CUL2: variants seen among roughly 807,000 people sequenced by gnomAD.
CUL2 encodes cullin 2.
CUL2 carries 22 observed loss-of-function variants against 110.2 expected under a neutral mutation model. The observed-to-expected ratio is 0.20, with a 90% confidence interval of 0.14 to 0.28. The LOEUF is 0.28. CUL2 is among the 10% of genes least tolerant of loss of function. The pLI is 1.00. For missense variants in CUL2, 631 were observed against 905.5 expected, an observed-to-expected ratio of 0.70 and a Z score of 3.89; for synonymous variants, 279 against 293.2, an observed-to-expected ratio of 0.95 and a Z score of 0.49.
At chr10:35,125,339 C>T (rs1460742634) in intron 1 of CUL2, among the ~76,000 whole-genome samples, 1 of 152,192 alleles carries the variant, frequency 6.6e-6, no homozygotes, top group Non-Finnish European at 1.5e-5. Context: ...AGACTACATA[C>T]ATATGGGAGT....
intron 9 of CUL2, among the ~76,000 whole-genome samples, chr10:35,036,057 G>T (rs966871680): frequency 6.6e-6 from 1 of 152,118 alleles, no homozygotes; most frequent in Non-Finnish European, 1.5e-5. Flanking sequence ...GTAATCACAC[G>T]CAGGATAAGA....
At chr10:35,104,661 A>G (rs1285348441) in intron 1 of CUL2, among the ~76,000 whole-genome samples, 1 of 152,214 alleles carries the variant, frequency 6.6e-6, no homozygotes, top group Non-Finnish European at 1.5e-5. Context: ...CAAATTAATT[A>G]AATGTATAAG....
chr10:35,116,588 T>A (rs910214483), intron 1 of CUL2, among the ~76,000 whole-genome samples: 26 of 152,326 alleles, frequency 1.7e-4, no homozygotes, highest in African/African-American at 6.3e-4. Flanking sequence ...GAAATTTTCC[T>A]TATTTATGAT....
Position 35,044,655 on chromosome 10 carries a change from A to C in CUL2, c.625T>G (p.Ser209Ala). 6.2e-7 allele frequency: 1 copy of C among 1,608,504 alleles called. No individual in the cohort carries two copies. ...TCTCCTGTTTCAGTCAGAAAGGGAG[A>C]CTCAAAAATTTCCTGATAAAACTGA... ...PLKFYQEIFE[S>A]PFLTETGEYY... The change falls in exon 8 of 21, where the codon TCT (serine) becomes GCT (alanine). Residue 209 changes from serine to alanine, a missense_variant. Around this residue, in one of 3 missense-constraint regions of CUL2, gnomAD observed 338 missense variants for 442.5 expected, o/e 0.76. Coordinates refer to ENST00000374749, the MANE Select transcript of CUL2 (RefSeq NM_003591.4).
At chr10:35,108,244 C>A (rs2087487098) in intron 1 of CUL2, among the ~76,000 whole-genome samples, 1 of 151,782 alleles carries the variant, frequency 6.6e-6, no homozygotes, top group Non-Finnish European at 1.5e-5. Context: ...TGCTTGAGCC[C>A]AGGAGCTCCA....
At chr10:35,084,287 C>A (rs1178010778) in intron 1 of CUL2, among the ~76,000 whole-genome samples, 1 of 152,076 alleles carries the variant, frequency 6.6e-6, no homozygotes, top group Non-Finnish European at 1.5e-5. Flanking sequence ...AACAAGCAAA[C>A]AAGACACAGT....
At chr10:35,048,900 A>G (rs1207393795) in intron 6 of CUL2, among the ~76,000 whole-genome samples, 1 of 152,186 alleles carries the variant, frequency 6.6e-6, no homozygotes, top group African/African-American at 2.4e-5. Context: ...CACGGCTTTG[A>G]CAAAGTATTC....
intron 4 of CUL2, among the ~76,000 whole-genome samples, chr10:35,056,912 T>A (rs1431953457): frequency 6.6e-6 from 1 of 152,236 alleles, no homozygotes; most frequent in Admixed American, 6.5e-5. Context: ...TCCTAAAGTA[T>A]GCATCACTTC....
At chr10:35,116,898 A>G (rs1564759026) in intron 1 of CUL2, among the ~76,000 whole-genome samples, 1 of 151,636 alleles carries the variant, frequency 6.6e-6, no homozygotes, top group Non-Finnish European at 1.5e-5. Flanking sequence ...TAGAGGTTGC[A>G]GTGAGTCGAG....
intron 14 of CUL2, among the ~76,000 whole-genome samples, chr10:35,030,140 C>T (rs1287425717): frequency 2.6e-5 from 4 of 152,198 alleles, no homozygotes; most frequent in African/African-American, 9.7e-5. Context: ...GCACATGCCA[C>T]AGCTGCTGGC....
chr10:35,073,135 A>G (rs927700708), intron 1 of CUL2, among the ~76,000 whole-genome samples: 1 of 152,218 alleles, frequency 6.6e-6, no homozygotes, highest in Non-Finnish European at 1.5e-5. Flanking sequence ...CCAAATATCC[A>G]AAAGAGGGTA....
At chr10:35,113,636 GA>G (rs780032905) in intron 1 of CUL2, among the ~76,000 whole-genome samples, 37 of 149,922 alleles carry the variant, frequency 2.5e-4, no homozygotes, top group Non-Finnish European at 4.4e-4. Context: ...ATAATCAGGA[GA>G]AAAATAGAAA....
At chr10:35,041,684 A>C (rs2085793178) in intron 8 of CUL2, among the ~76,000 whole-genome samples, 1 of 152,080 alleles carries the variant, frequency 6.6e-6, no homozygotes, top group African/African-American at 2.4e-5. Flanking sequence ...CCAGACGACT[A>C]CACCACCATG....
intron 4 of CUL2, among the ~76,000 whole-genome samples, chr10:35,055,785 C>A (rs1361661594): frequency 6.6e-6 from 1 of 152,162 alleles, no homozygotes; most frequent in African/African-American, 2.4e-5. Flanking sequence ...TCCTCTCTAT[C>A]CTCACTGTAA....
intron 1 of CUL2, among the ~76,000 whole-genome samples, chr10:35,089,667 C>T (rs1199945307): frequency 2.6e-5 from 4 of 152,132 alleles, no homozygotes; most frequent in African/African-American, 9.7e-5. Flanking sequence ...TGCTAGAAAG[C>T]GTGTGAGGAT....
intron 1 of CUL2, among the ~76,000 whole-genome samples, chr10:35,104,740 T>TC (rs1427394577): frequency 2.0e-5 from 3 of 151,726 alleles, no homozygotes; most frequent in African/African-American, 7.3e-5. Context: ...CAAAGACTTT[T>TC]CTGGGGGGGG....
upstream of CUL2, among the ~76,000 whole-genome samples, chr10:35,093,877 C>T (rs1487409766): frequency 6.6e-6 from 1 of 151,848 alleles, no homozygotes; most frequent in East Asian, 1.9e-4. Flanking sequence ...AAAAGCAATC[C>T]TTTTCCTCTG....
intron 8 of CUL2, among the ~76,000 whole-genome samples, chr10:35,041,912 T>C (rs746988587): frequency 2.6e-5 from 4 of 152,212 alleles, no homozygotes; most frequent in Non-Finnish European, 5.9e-5. Flanking sequence ...TTTTAACACC[T>C]TGAGATGTAA....
chr10:35,098,878 G>A (rs984318150), intron 2 of CUL2, among the ~76,000 whole-genome samples: 3 of 152,184 alleles, frequency 2.0e-5, no homozygotes, highest in Non-Finnish European at 1.5e-5. Context: ...AGGTTGTAGT[G>A]AGTTGAGATT....
Sources: gnomAD v4.1 joint callset for allele counts (sites outside exome capture counted in the v4.1 genomes callset) on GRCh38, gnomAD v4.1.1 for gene constraint, gnomAD v4.1.1 regional missense constraint, MANE v1.5 for transcripts, NCBI Gene and HGNC (gene_info 2026-07-23, HGNC 2026-07-21) for gene names.